The following SMURF2 variants were observed in gnomAD, a reference collection of about 807,000 sequenced individuals.
The protein encoded by SMURF2 is E3 ubiquitin-protein ligase SMURF2.
Under a neutral mutation model 109.6 loss-of-function variants are expected in SMURF2, and 48 were observed. The observed-to-expected ratio is 0.44, with a 90% CI of 0.35 to 0.56. The LOEUF (loss-of-function observed/expected upper bound fraction) is 0.56, where lower values mean the gene tolerates loss of function less well. Ranked by LOEUF, SMURF2 falls within the 20% of genes least tolerant of loss-of-function variation. The probability of loss-of-function intolerance (pLI) is 0.01; values close to 1 mark genes in which losing one functional copy is unlikely to be tolerated. For missense variants in SMURF2, 575 were observed against 909.0 expected, an observed-to-expected ratio of 0.63 and a Z score of 4.72; for synonymous variants, 288 against 317.1, an observed-to-expected ratio of 0.91 and a Z score of 0.97.
chr17:64,633,610 T>C (rs1970376399), intron 1 of SMURF2, among the ~76,000 whole-genome samples: 1 of 152,242 alleles, frequency 6.6e-6, no homozygotes, highest in Non-Finnish European at 1.5e-5. Flanking sequence ...ACTAGCATCA[T>C]TGGTTTGTTT....
At chr17:64,648,952 A>G (rs1306936533) in intron 1 of SMURF2, among the ~76,000 whole-genome samples, 4 of 152,156 alleles carry the variant, frequency 2.6e-5, no homozygotes, top group Non-Finnish European at 4.4e-5. Context: ...AACCTTATTT[A>G]TGGTATTAGA....
At chr17:64,621,431 T>C (rs1274581351) in intron 1 of SMURF2, among the ~76,000 whole-genome samples, 1 of 150,904 alleles carries the variant, frequency 6.6e-6, no homozygotes, top group Non-Finnish European at 1.5e-5. Flanking sequence ...AATACAAAAA[T>C]TAGCCAGGCG....
At position 64,631,975 on chromosome 17, in the gene SMURF2, G is replaced by C. The variant is rs1331091161; in HGVS notation, c.53-25335C>G. ...CTCTTTTTTTGCGGGGGGGGGGGGGGGGGGGTGGACAGAGGCACACTCGCC... is the reference window on the plus strand; with the variant it reads ...CTCTTTTTTTGCGGGGGGGGGGGGGCGGGGGTGGACAGAGGCACACTCGCC... On this transcript the variant is annotated intron_variant, in intron 1 of 18. Coordinates refer to ENST00000262435, the MANE Select transcript of SMURF2 (RefSeq NM_022739.4). Among the ~76,000 whole-genome samples, 3 of 139,502 alleles carry C rather than the reference G, an allele frequency of 2.2e-5. 1 individual carries two copies. The highest frequency in any genetic ancestry group is 4.7e-5 in the Non-Finnish European group (3 of 63,964). 91.5% of individuals were successfully genotyped at this position (139,502 alleles called of 152,430 possible).
In SMURF2 at chr17:64,586,075, T is replaced by A; in HGVS notation, c.485+11A>T. 1 of 1,584,314 alleles carries A rather than the reference T, an allele frequency of 6.3e-7. No individual in the cohort carries two copies. Among genetic ancestry groups the A allele is most frequent in the Non-Finnish European group, 8.6e-7 (1 of 1,157,740 alleles). On this transcript the variant is annotated intron_variant, in intron 6 of 18. Transcript: ENST00000262435. Reference sequence around the variant, plus strand: ...TATATTTCTCTAATGATTTCAGTGATGTTAGCTTACCCGTCTGGTAAATCG... The same window carrying A: ...TATATTTCTCTAATGATTTCAGTGAAGTTAGCTTACCCGTCTGGTAAATCG...
intron 3 of SMURF2, among the ~76,000 whole-genome samples, chr17:64,595,097 G>A (rs782137858): frequency 7.9e-5 from 12 of 152,150 alleles, no homozygotes; most frequent in Non-Finnish European, 1.0e-4. Context: ...TCAGGGCAAC[G>A]CACCACTGGC....
At chr17:64,586,957 A>G (rs1969670308) in intron 5 of SMURF2, among the ~76,000 whole-genome samples, 1 of 152,016 alleles carries the variant, frequency 6.6e-6, no homozygotes, top group Non-Finnish European at 1.5e-5. Context: ...TGAGGTCAGG[A>G]GATCGAGACT....
chr17:64,620,755 T>C (rs571172663), intron 1 of SMURF2, among the ~76,000 whole-genome samples: 1 of 152,376 alleles, frequency 6.6e-6, no homozygotes, highest in African/African-American at 2.4e-5. Flanking sequence ...CTCTGTCTCA[T>C]TAAGCTATAA....
rs1568190248 is a variant in SMURF2 at position 64,600,807 on chromosome 17, CT to C, written c.92-2318del. Among the ~76,000 whole-genome samples the C allele has an allele frequency of 1.6e-4, 24 of 152,144 alleles. 1 individual carries two copies. The highest frequency in any genetic ancestry group is 5.5e-4 in the African/African-American group (23 of 41,520). ...ACTCTATCTTGTTATTTTCACTCTA[CT>C]ATTTAAATAAATAAACATATAAATG... On this transcript the variant is annotated intron_variant, in intron 2 of 18. Coordinates refer to ENST00000262435, the MANE Select transcript of SMURF2 (RefSeq NM_022739.4).
intron 10 of SMURF2, among the ~76,000 whole-genome samples, chr17:64,563,746 A>T (rs1969259903): frequency 6.6e-6 from 1 of 152,216 alleles, no homozygotes. Flanking sequence ...CAATCCATGA[A>T]AGAACAAATG....
At chr17:64,610,606 G>C (rs1555689462) in intron 1 of SMURF2, among the ~76,000 whole-genome samples, 1 of 152,160 alleles carries the variant, frequency 6.6e-6, no homozygotes, top group African/African-American at 2.4e-5. Context: ...GGGGCCTGTT[G>C]GCGGGTTGGG....
At chr17:64,605,612 T>TC (rs1179046319) in intron 2 of SMURF2, among the ~76,000 whole-genome samples, 7 of 150,812 alleles carry the variant, frequency 4.6e-5, no homozygotes, top group Non-Finnish European at 1.0e-4. Flanking sequence ...GTGAAGTGTG[T>TC]CTGCAGTCCA....
chr17:64,662,124 GCCGCCCGCGCCGCCT>G lies in SMURF2; in HGVS notation c.-259_-245del, dbSNP rs747279849. On this transcript the variant is annotated 5_prime_UTR_variant, in exon 1 of 19. Transcript: ENST00000262435. ...GCCGCACAACAAAGCGGCAGCCGCG[GCCGCCCGCGCCGCCT>G]CCGCCCGCGCCCCCGCCGCCTCCTC... 99 of 1,034,430 alleles carry G rather than the reference GCCGCCCGCGCCGCCT, an allele frequency of 9.6e-5. No homozygotes were observed. The highest frequency in any genetic ancestry group is 3.0e-4 in the East Asian group (4 of 13,400). 64.1% of individuals were successfully genotyped at this position (1,034,430 alleles called of 1,614,324 possible). A position where few individuals can be genotyped will look rare whatever the true frequency, so the allele number is the denominator to read the frequency against.
At chr17:64,564,422 G>C (rs1225645392) in intron 10 of SMURF2, among the ~76,000 whole-genome samples, 3 of 152,196 alleles carry the variant, frequency 2.0e-5, no homozygotes, top group African/African-American at 7.2e-5. Context: ...TGGAGATGGG[G>C]TGTTATGGGT....
At chr17:64,598,128 T>C (rs186566299) in intron 3 of SMURF2, among the ~76,000 whole-genome samples, 4 of 152,324 alleles carry the variant, frequency 2.6e-5, no homozygotes, top group East Asian at 1.9e-4. Flanking sequence ...CTTTATTTAA[T>C]TGAAAAAAGA....
chr17:64,566,442 A>T (rs1969302278), intron 10 of SMURF2, among the ~76,000 whole-genome samples: 1 of 151,556 alleles, frequency 6.6e-6, no homozygotes, highest in Admixed American at 6.6e-5. Flanking sequence ...CCCAGGGAGG[A>T]TCTATCAGGT....
Position 64,554,977 on chromosome 17 carries a change from C to T in SMURF2, c.1627G>A (p.Gly543Ser), listed in dbSNP as rs781850491. 1 of 1,613,314 alleles carries T rather than the reference C, an allele frequency of 6.2e-7. No homozygotes were observed. Among genetic ancestry groups the T allele is most frequent in the Non-Finnish European group, 8.5e-7 (1 of 1,179,628 alleles). The change falls in exon 15 of 19, where the codon GGT (glycine) becomes AGT (serine). Residue 543 changes from glycine (G) to serine (S), a missense_variant. By Grantham distance (56) the Gly-to-Ser change is moderately conservative. Transcript: ENST00000262435. ...LVWILENDIT[G>S]VLDHTFCVEH... ...ACACAGAAGGTATGGTCCAAAACAC[C>T]TGTAATATCATTCTCACTGGATAGG... is the stretch of plus-strand genomic sequence containing the variant.
Position 64,606,656 on chromosome 17 carries a change from A to T in SMURF2, c.53-16T>A. On this transcript the variant is annotated splice_polypyrimidine_tract_variant and intron_variant, in intron 1 of 18. Coordinates refer to ENST00000262435, the MANE Select transcript of SMURF2 (RefSeq NM_022739.4). The stretch of plus-strand genomic sequence containing the variant: ...GCACAGAGTACTGTAAAAAAAAAAA[A>T]CAAAAAATACATGGGAAAAATTAAA... The T allele has an allele frequency of 8.1e-6, 12 of 1,484,240 alleles. No individual in the cohort carries two copies. Among genetic ancestry groups the T allele is most frequent in the Non-Finnish European group, 1.1e-5 (12 of 1,096,314 alleles). The allele number at this position is 1,484,240 out of a possible 1,614,324, so 91.9% of individuals were successfully genotyped here.
intron 1 of SMURF2, among the ~76,000 whole-genome samples, chr17:64,610,042 C>A (rs868907706): frequency 9.9e-5 from 15 of 152,132 alleles, no homozygotes; most frequent in South Asian, 2.1e-4. Context: ...AAATGCAAAT[C>A]AAAACCACAA....
chr17:64,644,360 G>A (rs1442914180), intron 1 of SMURF2, among the ~76,000 whole-genome samples: 2 of 151,190 alleles, frequency 1.3e-5, no homozygotes, highest in Non-Finnish European at 2.9e-5. Flanking sequence ...AAGGCAGGAA[G>A]ATCTAATTGA....
Sources: gnomAD v4.1 joint callset for allele counts (sites outside exome capture counted in the v4.1 genomes callset) on GRCh38, gnomAD v4.1.1 for gene constraint, MANE v1.5 for transcripts, NCBI Gene and HGNC (gene_info 2026-07-23, HGNC 2026-07-21) for gene names.